Variants in CLIC5 observed in about 807,000 individuals in gnomAD.
The protein encoded by CLIC5 is chloride intracellular channel protein 5.
Under a neutral mutation model 24.7 loss-of-function variants are expected in CLIC5, and 20 were observed. The observed-to-expected ratio is 0.81, with a 90% CI of 0.57 to 1.18. The LOEUF (loss-of-function observed/expected upper bound fraction) is 1.18. Ranked by LOEUF, CLIC5 falls within the 50% of genes most tolerant of loss-of-function variation. The probability of loss-of-function intolerance (pLI) is 0.00; values close to 1 mark genes in which losing one functional copy is unlikely to be tolerated. For synonymous variants in CLIC5, 159 were observed against 135.6 expected, an observed-to-expected ratio of 1.17 and a Z score of -1.20; for missense variants, 341 against 326.1, an observed-to-expected ratio of 1.05 and a Z score of -0.35.
At chr6:46,085,982 C>T in the CLIC5 span, among the ~76,000 whole-genome samples, 1 of 152,212 alleles carries the variant, frequency 6.6e-6, no homozygotes, top group Non-Finnish European at 1.5e-5. Flanking sequence ...CTGCTGCCTT[C>T]CAGTTTGATC....
chr6:46,118,518 C>T, the CLIC5 span, among the ~76,000 whole-genome samples: 3 of 152,176 alleles, frequency 2.0e-5, no homozygotes, highest in African/African-American at 7.2e-5. Context: ...CTCCCTACTA[C>T]ACTGTAAACT....
the CLIC5 span, among the ~76,000 whole-genome samples, chr6:46,099,819 T>C: frequency 6.6e-6 from 1 of 152,268 alleles, no homozygotes; most frequent in East Asian, 1.9e-4. Flanking sequence ...GGAAAAGGAA[T>C]GAAAAATTAT....
upstream of CLIC5, among the ~76,000 whole-genome samples, chr6:46,085,246 G>C (rs1763007113): frequency 6.6e-6 from 1 of 152,158 alleles, no homozygotes; most frequent in African/African-American, 2.4e-5. Context: ...GGAGTAGTTT[G>C]ATCGTCTGAA....
chr6:46,013,208 A>C (rs1408221886), intron 1 of CLIC5, among the ~76,000 whole-genome samples: 1 of 152,154 alleles, frequency 6.6e-6, no homozygotes, highest in Non-Finnish European at 1.5e-5. Flanking sequence ...ATAGAAACCA[A>C]CCCACCCTGC....
intron 5 of CLIC5, chr6:45,911,818 C>T: frequency 1.0e-6 from 1 of 985,424 alleles, no homozygotes; most frequent in Non-Finnish European, 1.2e-6. Flanking sequence ...GATGCCTCTC[C>T]CAACGAAGAC....
chr6:46,062,393 C>T (rs1338463), intron 1 of CLIC5, among the ~76,000 whole-genome samples: 15,295 of 152,236 alleles, frequency 0.1, 819 homozygotes, highest in African/African-American at 0.14. Context: ...AACCTCAGAA[C>T]ATTAGTTGTT....
At chr6:46,041,742 T>G (rs536844037) in intron 1 of CLIC5, among the ~76,000 whole-genome samples, 10 of 152,324 alleles carry the variant, frequency 6.6e-5, no homozygotes, top group African/African-American at 2.4e-4. Context: ...CTAACTTCTC[T>G]ATGCTTACAT....
At chr6:45,997,683 G>T (rs1766201495) in intron 1 of CLIC5, among the ~76,000 whole-genome samples, 1 of 152,080 alleles carries the variant, frequency 6.6e-6, no homozygotes, top group South Asian at 2.1e-4. Flanking sequence ...ATGAATAGTG[G>T]GCAAAAGTGC....
At chr6:45,912,472 G>A in intron 5 of CLIC5, 2 of 1,279,350 alleles carry the variant, frequency 1.6e-6, no homozygotes, top group East Asian at 7.2e-5. Context: ...TTTTTGAGTG[G>A]TAGTGAATAC....
At chr6:46,097,886 A>T in the CLIC5 span, among the ~76,000 whole-genome samples, 2 of 152,140 alleles carry the variant, frequency 1.3e-5, no homozygotes, top group Non-Finnish European at 2.9e-5. Flanking sequence ...GAAACTACTG[A>T]TGAGTTAGTC....
chr6:45,989,585 ATAG>A (rs1384286728), intron 1 of CLIC5, among the ~76,000 whole-genome samples: 1 of 152,322 alleles, frequency 6.6e-6, no homozygotes, highest in East Asian at 1.9e-4. Context: ...GTCAGGTAAT[ATAG>A]TTTAATTTGA....
At chr6:45,894,864 C>T (rs1022991933), downstream of CLIC5, among the ~76,000 whole-genome samples, 5 of 152,138 alleles carry the variant, frequency 3.3e-5, no homozygotes, top group Admixed American at 3.3e-4. Flanking sequence ...AGCTGTAGGT[C>T]TTGATAAGTA....
At chr6:46,075,247 T>C (rs1762734425) in intron 1 of CLIC5, among the ~76,000 whole-genome samples, 1 of 152,076 alleles carries the variant, frequency 6.6e-6, no homozygotes, top group South Asian at 2.1e-4. Flanking sequence ...TAAAGTAGGT[T>C]TCAAATCCAT....
intron 1 of CLIC5, among the ~76,000 whole-genome samples, chr6:46,040,937 CTCTTGGGAACATACATAAAAAAA>C (rs1388599939): frequency 6.6e-6 from 1 of 152,016 alleles, no homozygotes; most frequent in Non-Finnish European, 1.5e-5. Flanking sequence ...AGAAGTTAAG[CTCTTGGGAACATACATAAAAAAA>C]TCCCCCAAAT....
intron 1 of CLIC5, among the ~76,000 whole-genome samples, chr6:45,965,720 C>G (rs1764995362): frequency 6.6e-6 from 1 of 152,196 alleles, no homozygotes; most frequent in Admixed American, 6.5e-5. Flanking sequence ...CTTGGAGAAT[C>G]CCCATCCTAA....
intron 1 of CLIC5, among the ~76,000 whole-genome samples, chr6:46,039,090 T>A (rs925039739): frequency 2.6e-5 from 4 of 152,194 alleles, no homozygotes; most frequent in African/African-American, 7.2e-5. Context: ...AACTCATTCA[T>A]GCATAGAAAG....
chr6:45,953,680 T>A (rs1163071857), intron 2 of CLIC5, among the ~76,000 whole-genome samples: 1 of 152,164 alleles, frequency 6.6e-6, no homozygotes, highest in African/African-American at 2.4e-5. Context: ...AAAGGTTTCC[T>A]GTGCATGAAA....
At chr6:46,003,797 G>A (rs1382720916) in intron 1 of CLIC5, among the ~76,000 whole-genome samples, 2 of 152,194 alleles carry the variant, frequency 1.3e-5, no homozygotes, top group South Asian at 2.1e-4. Context: ...CATTTGGGCT[G>A]GAGTTTGGAA....
At chr6:45,915,798 C>T (rs562667239) in intron 4 of CLIC5, among the ~76,000 whole-genome samples, 8 of 152,298 alleles carry the variant, frequency 5.3e-5, no homozygotes, top group African/African-American at 1.9e-4. Context: ...TCTCGTAGTC[C>T]TTTCTAATCA....
Sources: gnomAD v4.1 joint callset for allele counts (sites outside exome capture counted in the v4.1 genomes callset) on GRCh38, gnomAD v4.1.1 for gene constraint, MANE v1.5 for transcripts, NCBI Gene and HGNC (gene_info 2026-07-23, HGNC 2026-07-21) for gene names.